HPS4: variants seen among roughly 807,000 people sequenced by gnomAD.
HPS4 encodes BLOC-3 complex member HPS4.
Under a neutral mutation model 70.3 loss-of-function variants are expected in HPS4, and 44 were observed. That is an observed-to-expected ratio of 0.63 (90% confidence interval 0.49 to 0.80). The LOEUF (loss-of-function observed/expected upper bound fraction) is 0.80, where lower values mean the gene tolerates loss of function less well. HPS4 is among the 30% of genes least tolerant of loss of function. HPS4 has a pLI of 0.00. For missense variants in HPS4, 873 were observed against 884.4 expected (o/e 0.99, Z 0.16); for synonymous variants, 377 against 355.9 (o/e 1.06, Z -0.67).
chr22:26,462,623 AAG>A (rs1416361241), intron 11 of HPS4, among the ~76,000 whole-genome samples: 1 of 152,216 alleles, frequency 6.6e-6, no homozygotes, highest in Admixed American at 6.5e-5. Flanking sequence ...GGAAGGTAAA[AAG>A]AGAGGTATTA....
intron 9 of HPS4, 74 bp from the exon 10 acceptor site, chr22:26,465,625 C>G (rs1601925612): frequency 1.7e-6 from 2 of 1,202,474 alleles, no homozygotes; most frequent in Non-Finnish European, 2.5e-6. Context: ...GCTGCACTGG[C>G]GTGATGCATC....
rs1402819834 is a variant in HPS4, at chr22:26,477,618, C to T, written c.133-482G>A. Among the ~76,000 whole-genome samples the T allele has an allele frequency of 3.3e-5, 5 of 152,124 alleles. No homozygotes were observed. In the East Asian group the frequency reaches 7.7e-4, roughly 23 times the overall value. ...TACAGAATCTCCTAATCAACCTTAG[C>T]CTTAACTAACGCACAGGACAGCCAG... On this transcript the variant is annotated intron_variant, in intron 3 of 13. Transcript: ENST00000398145.
intron 11 of HPS4, among the ~76,000 whole-genome samples, chr22:26,463,646 G>A (rs1053704988): frequency 3.9e-5 from 6 of 152,206 alleles, no homozygotes; most frequent in African/African-American, 1.4e-4. Context: ...CCTGCGCTCT[G>A]CAAAACTAGA....
chr22:26,468,686 T>G, intron 7 of HPS4, 63 bp from the exon 8 acceptor site: 1 of 1,483,608 alleles, frequency 6.7e-7, no homozygotes. Context: ...ACTCCAAATT[T>G]TAAAGATGCC....
At position 26,458,750 on chromosome 22, in the gene HPS4, G is replaced by A. The variant is rs34610028; in HGVS notation, c.1714-173C>T. 0.044 allele frequency among the ~76,000 whole-genome samples: 6,701 copies of A among 151,106 alleles called. 190 individuals are homozygous for A. Among genetic ancestry groups the A allele is most frequent in the African/African-American group, 0.068 (2,783 of 41,024 alleles). On this transcript the variant is annotated intron_variant, in intron 11 of 13. Coordinates refer to ENST00000398145, the MANE Select transcript of HPS4 (RefSeq NM_022081.6). ...GGCAGGAGGATCACTTAAGCCAGGA[G>A]TTTAAGGCTGCAGTGAGCCGAGACC...
intron 11 of HPS4, among the ~76,000 whole-genome samples, chr22:26,461,024 G>C (rs1015505441): frequency 1.3e-5 from 2 of 152,154 alleles, no homozygotes; most frequent in African/African-American, 4.8e-5. Context: ...GCCAGCCACC[G>C]ATATATACTG....
chr22:26,461,139 AGT>A (rs2087174004), intron 11 of HPS4, among the ~76,000 whole-genome samples: 1 of 152,260 alleles, frequency 6.6e-6, no homozygotes, highest in Non-Finnish European at 1.5e-5. Flanking sequence ...CACAAATGTC[AGT>A]GTGTGACACA....
intron 1 of HPS4, among the ~76,000 whole-genome samples, chr22:26,482,466 G>A (rs749401394): frequency 3.9e-5 from 6 of 152,150 alleles, no homozygotes; most frequent in Non-Finnish European, 8.8e-5. Context: ...TCAAATGACA[G>A]GGTGAAAATG....
chr22:26,470,034 G>T (rs1480435961), intron 7 of HPS4, among the ~76,000 whole-genome samples: 1 of 152,258 alleles, frequency 6.6e-6, no homozygotes, highest in African/African-American at 2.4e-5. Context: ...GGGCCCCTGC[G>T]AGAGCCTCAG....
intron 4 of HPS4, among the ~76,000 whole-genome samples, chr22:26,473,298 T>A (rs1482035204): frequency 1.3e-5 from 2 of 152,196 alleles, no homozygotes; most frequent in African/African-American, 2.4e-5. Flanking sequence ...GACTGTTATT[T>A]GGACAGTAGA....
rs969509270 is a variant in HPS4, at chr22:26,483,765, C to T, written c.-570G>A. ...GGTACCTGCGACTTCTGCCCCGTAC[C>T]TGCGCGCGCGGCAGAGAGGCCTTAG... is the stretch of plus-strand genomic sequence containing the variant. On this transcript the variant is annotated 5_prime_UTR_variant, in exon 1 of 14. Coordinates refer to ENST00000398145, the MANE Select transcript of HPS4 (RefSeq NM_022081.6). The T allele has an allele frequency of 6.5e-6, 4 of 617,118 alleles. No homozygotes were observed. The African/African-American group carries it at 7.8e-5, about 12-fold the overall frequency. 38.2% of individuals were successfully genotyped at this position (617,118 alleles called of 1,614,324 possible).
At position 26,464,623 on chromosome 22, in the gene HPS4, A is replaced by C; in HGVS notation, c.1007T>G (p.Ile336Ser). 6.2e-7 allele frequency: 1 copy of C among 1,614,154 alleles called. No individual in the cohort carries two copies. Among genetic ancestry groups the C allele is most frequent in the Non-Finnish European group, 8.5e-7 (1 of 1,180,006 alleles). The change falls in exon 11 of 14, where the codon ATC becomes AGC. Residue 336 changes from isoleucine to serine, a missense_variant. Physicochemically the swap from Ile to Ser is moderately radical, Grantham distance 142. Transcript: ENST00000398145. Reference sequence around the variant, plus strand: ...AGAGTTGTGCAGTCCTGCGGGCCTGATGCTCTCCAGATCATGGCCAGACAA... The same window carrying C: ...AGAGTTGTGCAGTCCTGCGGGCCTGCTGCTCTCCAGATCATGGCCAGACAA... The part of the protein sequence containing the change: ...GCLSGHDLES[I>S]RPAGLHNSAR...
chr22:26,468,486 C>A, intron 8 of HPS4, 65 bp downstream of exon 8: 1 of 1,408,250 alleles, frequency 7.1e-7, no homozygotes, highest in Non-Finnish European at 1.0e-6. Flanking sequence ...ATCCCTCCAG[C>A]CTCAGGCTCA....
At chr22:26,458,397 C>G in intron 12 of HPS4, 48 bp downstream of exon 12, 1 of 1,611,712 alleles carries the variant, frequency 6.2e-7, no homozygotes, top group Non-Finnish European at 8.5e-7. Context: ...CTCCACCCAT[C>G]TAGAATCTGG....
In HPS4 at chr22:26,453,328, G is replaced by A. The variant is rs768075866; in HGVS notation, c.2032C>T (p.Arg678Trp). 5.0e-5 allele frequency: 81 copies of A among 1,614,076 alleles called. No homozygotes were observed. The highest frequency in any genetic ancestry group is 1.0e-4 in the Admixed American group (6 of 60,008). Residue 678 changes from arginine (R) to tryptophan (W), a missense_variant, in exon 14 of 14, where the codon CGG (arginine) becomes TGG (tryptophan). Physicochemically the swap from Arg to Trp is moderately radical, Grantham distance 101. Transcript: ENST00000398145. ...TYFQQLAPAA[R>W]SSGFPNPQDG... ...TGAGGGTTTGGGAAGCCGGAGCTCCGTGCTGCAGGTGCCAGCTGCTGGAAA... is the reference window on the plus strand; with the variant it reads ...TGAGGGTTTGGGAAGCCGGAGCTCCATGCTGCAGGTGCCAGCTGCTGGAAA...
chr22:26,456,608 G>A lies in HPS4; in HGVS notation c.1955+1251C>T, dbSNP rs1013803999. Among the ~76,000 whole-genome samples, 9 of 152,294 alleles carry A rather than the reference G, an allele frequency of 5.9e-5. No homozygotes were observed. The South Asian group carries it at 1.0e-3, about 18-fold the overall frequency. On this transcript the variant is annotated intron_variant, in intron 13 of 13. Coordinates refer to ENST00000398145, the MANE Select transcript of HPS4 (RefSeq NM_022081.6). ...CAGGAGACAGAGGTTGCAATGAGCCGAGACTGAGCCCCTGCACTCCAGCCT... is the reference window on the plus strand; with the variant it reads ...CAGGAGACAGAGGTTGCAATGAGCCAAGACTGAGCCCCTGCACTCCAGCCT...
rs1602166090 is a variant in HPS4, at chr22:26,483,771, G to A, written c.-576C>T. ...TGCGACTTCTGCCCCGTACCTGCGC[G>A]CGCGGCAGAGAGGCCTTAGGTCACG... On this transcript the variant is annotated 5_prime_UTR_variant, in exon 1 of 14. Transcript: ENST00000398145. 8 of 647,656 alleles carry A rather than the reference G, an allele frequency of 1.2e-5. No homozygotes were observed. The highest frequency in any genetic ancestry group is 4.7e-4 in the Middle Eastern group (1 of 2,148). The allele number at this position is 647,656 out of a possible 1,614,324, so 40.1% of individuals were successfully genotyped here.
chr22:26,444,782 A>G (rs2084898562), intron 3 of HPS4: 1 of 152,238 alleles, frequency 6.6e-6, no homozygotes, highest in African/African-American at 2.4e-5. Flanking sequence ...AAATGTCTAC[A>G]CAGATATTTG....
chr22:26,473,495 C>T (rs934123187), intron 4 of HPS4, among the ~76,000 whole-genome samples: 3 of 152,170 alleles, frequency 2.0e-5, no homozygotes, highest in East Asian at 1.9e-4. Context: ...TGGCCGGGCA[C>T]GGTGGCTCAT....
Sources: allele counts gnomAD v4.1 joint callset (sites outside exome capture counted in the v4.1 genomes callset), GRCh38; gene constraint gnomAD v4.1.1; transcripts MANE v1.5; gene names NCBI Gene and HGNC (gene_info 2026-07-23, HGNC 2026-07-21).